ACVR2B: variants seen among roughly 807,000 people sequenced by gnomAD.
The protein encoded by ACVR2B is activin receptor type-2B.
In ACVR2B, 18 loss-of-function variants were observed where a neutral mutation model predicts 65.1. The ratio of observed to expected loss-of-function variants is 0.28; its 90% CI spans 0.19 to 0.41. ACVR2B has a LOEUF of 0.41. ACVR2B is among the 10% of genes least tolerant of loss of function. ACVR2B has a pLI of 1.00. For missense variants in ACVR2B, 482 were observed against 682.7 expected, an observed-to-expected ratio of 0.71 and a Z score of 3.28; for synonymous variants, 298 against 277.7, an observed-to-expected ratio of 1.07 and a Z score of -0.73.
In ACVR2B at chr3:38,491,473, C is replaced by A. The variant is rs114378912; in HGVS notation, c.*8141C>A. 2,158 of 152,768 alleles carry A rather than the reference C, an allele frequency of 0.014. 29 individuals are homozygous for A. Among genetic ancestry groups the A allele is most frequent in the Admixed American group, 0.018 (280 of 15,308 alleles). The allele number at this position is 152,768 out of a possible 1,614,324, so 9.5% of individuals were successfully genotyped here. A position where few individuals can be genotyped will look rare whatever the true frequency, so the allele number is the denominator to read the frequency against. On this transcript the variant is annotated 3_prime_UTR_variant, in exon 11 of 11. Transcript: ENST00000352511. The stretch of plus-strand genomic sequence containing the variant: ...CTGTTGACTTCAGTCCCTGCAAGTG[C>A]TTTAGCCCGAGTGGGGTTTTCTCAG...
chr3:38,487,156 C>T lies in ACVR2B; in HGVS notation c.*3824C>T, dbSNP rs1213899747. On this transcript the variant is annotated 3_prime_UTR_variant, in exon 11 of 11. Coordinates refer to ENST00000352511, the MANE Select transcript of ACVR2B (RefSeq NM_001106.4). ...CTGCTCTGGAGAGGAGCCTGTGGGA[C>T]CAGTCCTGCCTGGGGAGGGCATACC... 1 of 152,330 alleles carries T rather than the reference C, an allele frequency of 6.6e-6. No homozygotes were observed. Among genetic ancestry groups the T allele is most frequent in the African/African-American group, 2.4e-5 (1 of 41,452 alleles). The allele number at this position is 152,330 out of a possible 1,614,324, so 9.4% of individuals were successfully genotyped here. A position where few individuals can be genotyped will look rare whatever the true frequency, so the allele number is the denominator to read the frequency against.
At position 38,490,614 on chromosome 3, in the gene ACVR2B, C is replaced by T. The variant is rs1710194248; in HGVS notation, c.*7282C>T. On this transcript the variant is annotated 3_prime_UTR_variant, in exon 11 of 11. Transcript: ENST00000352511. ...TCTACTTGTCTTTTCTAGTCCCCAA[C>T]CTCTACCTTTTTCCTTTTTCCCAGC... is the stretch of plus-strand genomic sequence containing the variant. 1 of 152,554 alleles carries T rather than the reference C, an allele frequency of 6.6e-6. No individual in the cohort carries two copies. The highest frequency in any genetic ancestry group is 6.5e-5 in the Admixed American group (1 of 15,272). The allele number at this position is 152,554 out of a possible 1,614,324, so 9.5% of individuals were successfully genotyped here.
chr3:38,461,952 G>A (rs1709654854), intron 1 of ACVR2B, among the ~76,000 whole-genome samples: 1 of 152,028 alleles, frequency 6.6e-6, no homozygotes, highest in South Asian at 2.1e-4. Flanking sequence ...CAGCACTTTG[G>A]GAGGCCAAGG....
Position 38,477,536 on chromosome 3 carries a change from C to T in ACVR2B, c.260+42C>T, listed in dbSNP as rs751939808. On this transcript the variant is annotated intron_variant, in intron 2 of 10. Transcript: ENST00000352511. The surrounding 1 kb of genome is among the most constrained non-coding windows in gnomAD (Gnocchi z 6.7). Reference sequence around the variant, plus strand: ...CCTCCTTTCCTCTTGGACCCACCTGCGCTTATACTGCCCACTGGGCCATTT... The same window carrying T: ...CCTCCTTTCCTCTTGGACCCACCTGTGCTTATACTGCCCACTGGGCCATTT... 6.9e-6 allele frequency: 11 copies of T among 1,595,244 alleles called. No homozygotes were observed. Among genetic ancestry groups the T allele is most frequent in the South Asian group, 2.3e-5 (2 of 88,848 alleles).
At chr3:38,474,521 A>G (rs1218688926) in intron 1 of ACVR2B, 1 of 152,256 alleles carries the variant, frequency 6.6e-6, no homozygotes, top group Non-Finnish European at 1.5e-5. Flanking sequence ...TGTGTTTGGA[A>G]TGATTCTGCC....
intron 5 of ACVR2B, 151 bp from the exon 6 acceptor site, chr3:38,478,977 A>C: frequency 1.9e-6 from 2 of 1,039,818 alleles, no homozygotes; most frequent in Non-Finnish European, 1.5e-6. Context: ...GTCCCCTTAC[A>C]AATGCTGAAG....
rs1482845219 is a variant in ACVR2B, at chr3:38,489,788, G to C, written c.*6456G>C. On this transcript the variant is annotated 3_prime_UTR_variant, in exon 11 of 11. Coordinates refer to ENST00000352511, the MANE Select transcript of ACVR2B (RefSeq NM_001106.4). ...CTTTGAAATGAGAATCTGGTGGTTT[G>C]AGTAATCCACCAGACTGAATTATCT... 1 of 152,264 alleles carries C rather than the reference G, an allele frequency of 6.6e-6. No homozygotes were observed. The highest frequency in any genetic ancestry group is 1.5e-5 in the Non-Finnish European group (1 of 68,030). The allele number at this position is 152,264 out of a possible 1,614,324, so 9.4% of individuals were successfully genotyped here.
At chr3:38,470,210 CAAAA>C (rs1709796651) in intron 1 of ACVR2B, among the ~76,000 whole-genome samples, 1 of 151,608 alleles carries the variant, frequency 6.6e-6, no homozygotes, top group Admixed American at 6.6e-5. Context: ...TCAGAATTGA[CAAAA>C]AACACAAATC....
At chr3:38,472,528 G>A (rs1575584430) in intron 1 of ACVR2B, among the ~76,000 whole-genome samples, 1 of 151,354 alleles carries the variant, frequency 6.6e-6, no homozygotes, top group Admixed American at 6.6e-5. Flanking sequence ...GTAGTGGTGA[G>A]TGGCACTCCT....
intron 1 of ACVR2B, among the ~76,000 whole-genome samples, chr3:38,459,115 A>G (rs910846513): frequency 2.0e-5 from 3 of 152,146 alleles, no homozygotes; most frequent in Admixed American, 1.3e-4. Context: ...TACAGTTGTA[A>G]GAAGTAGGGG....
rs1265889075 is a variant in ACVR2B, at chr3:38,480,264, G to A, written c.959+438G>A. On this transcript the variant is annotated intron_variant, in intron 7 of 10. Coordinates refer to ENST00000352511, the MANE Select transcript of ACVR2B (RefSeq NM_001106.4). Reference sequence around the variant, plus strand: ...GAAAACTCTATGCTCCTAAGAGAATGAGCCTTATAAAAGCAAATAAATGAA... The same window carrying A: ...GAAAACTCTATGCTCCTAAGAGAATAAGCCTTATAAAAGCAAATAAATGAA... 2.0e-5 allele frequency among the ~76,000 whole-genome samples: 3 copies of A among 152,238 alleles called. No individual in the cohort carries two copies. The East Asian group carries it at 5.8e-4, about 29-fold the overall frequency.
At position 38,492,270 on chromosome 3, in the gene ACVR2B, G is replaced by A. The variant is rs999190042; in HGVS notation, c.*8938G>A. The A allele has an allele frequency of 6.6e-6, 1 of 152,642 alleles. No individual in the cohort carries two copies. The allele number at this position is 152,642 out of a possible 1,614,324, so 9.5% of individuals were successfully genotyped here. The stretch of plus-strand genomic sequence containing the variant: ...ACCCTAAGACTTGTCTAACTTAGTG[G>A]AGAATGTGTGTGTTGGGCTTAGGAT... On this transcript the variant is annotated 3_prime_UTR_variant, in exon 11 of 11. Coordinates refer to ENST00000352511, the MANE Select transcript of ACVR2B (RefSeq NM_001106.4).
chr3:38,460,068 A>G (rs1709617301), intron 1 of ACVR2B, among the ~76,000 whole-genome samples: 1 of 152,166 alleles, frequency 6.6e-6, no homozygotes, highest in African/African-American at 2.4e-5. Flanking sequence ...CCCAGTTTCC[A>G]AGTGCTCCAC....
chr3:38,454,465 G>C (rs956870978), intron 1 of ACVR2B, 91 bp downstream of exon 1: 30 of 1,118,286 alleles, frequency 2.7e-5, no homozygotes, highest in Non-Finnish European at 3.1e-5. Context: ...GGGCGGGCCC[G>C]GGGCCTCGTC....
In ACVR2B at chr3:38,479,131, A is replaced by C; in HGVS notation, c.670A>C (p.Lys224Gln). ...VAVKIFPLQD[K>Q]QSWQSEREIF... ...AACCCCTCGCCCCCGGCCTCAGGAC[A>C]AGCAGTCGTGGCAGAGTGAACGGGA... is the stretch of plus-strand genomic sequence containing the variant. The change falls in exon 6 of 11, where the codon AAG becomes CAG. Residue 224 changes from lysine (K) to glutamine (Q), a missense_variant. By Grantham distance (53) the Lys-to-Gln change is moderately conservative. This residue lies in a region of ACVR2B where 223 missense variants were observed against 386.3 expected (regional missense o/e 0.58). Coordinates refer to ENST00000352511, the MANE Select transcript of ACVR2B (RefSeq NM_001106.4). The C allele has an allele frequency of 6.2e-7, 1 of 1,614,136 alleles. No individual in the cohort carries two copies. Among genetic ancestry groups the C allele is most frequent in the South Asian group, 1.1e-5 (1 of 91,080 alleles).
chr3:38,455,763 C>A (rs1048694558), intron 1 of ACVR2B, among the ~76,000 whole-genome samples: 5 of 152,168 alleles, frequency 3.3e-5, no homozygotes, highest in African/African-American at 1.2e-4. Flanking sequence ...GTTGGACTTT[C>A]TGCTCTTTTT....
At chr3:38,467,329 C>G (rs1709747254) in intron 1 of ACVR2B, among the ~76,000 whole-genome samples, 1 of 152,048 alleles carries the variant, frequency 6.6e-6, no homozygotes, top group African/African-American at 2.4e-5. Flanking sequence ...TGCCTGTAAT[C>G]CCAGGAGGGA....
chr3:38,461,146 G>A (rs908617938), intron 1 of ACVR2B, among the ~76,000 whole-genome samples: 9 of 152,188 alleles, frequency 5.9e-5, no homozygotes, highest in African/African-American at 1.9e-4. Context: ...AGTGTTTTCA[G>A]GTATGAGGAC....
Position 38,477,153 on chromosome 3 carries a change from G to T in ACVR2B, c.53-134G>T. On this transcript the variant is annotated intron_variant, in intron 1 of 10. Coordinates refer to ENST00000352511, the MANE Select transcript of ACVR2B (RefSeq NM_001106.4). The surrounding 1 kb of genome is among the most constrained non-coding windows in gnomAD (Gnocchi z 6.7). ...GGGTGGCCTACGTCCAGGGGTGAGTGCAGGAGGTTGGTGACCCCAACCCAC... is the reference window on the plus strand; with the variant it reads ...GGGTGGCCTACGTCCAGGGGTGAGTTCAGGAGGTTGGTGACCCCAACCCAC... The T allele has an allele frequency of 1.1e-6, 1 of 917,868 alleles. No individual in the cohort carries two copies. The highest frequency in any genetic ancestry group is 2.6e-5 in the East Asian group (1 of 38,018). 56.9% of individuals were successfully genotyped at this position (917,868 alleles called of 1,614,324 possible). A position where few individuals can be genotyped will look rare whatever the true frequency, so the allele number is the denominator to read the frequency against.
Sources: allele counts gnomAD v4.1 joint callset (sites outside exome capture counted in the v4.1 genomes callset), GRCh38; gene constraint gnomAD v4.1.1; regional missense constraint gnomAD v4.1.1; non-coding constraint Gnocchi (gnomAD v3.1); transcripts MANE v1.5; gene names NCBI Gene and HGNC (gene_info 2026-07-23, HGNC 2026-07-21).